C19orf18: variants seen among roughly 807,000 people sequenced by gnomAD.
C19orf18 encodes the protein chromosome 19 open reading frame 18.
In C19orf18, 21 loss-of-function variants were observed where a neutral mutation model predicts 23.3. That is an observed-to-expected ratio of 0.90 (90% CI 0.64 to 1.30). The LOEUF (loss-of-function observed/expected upper bound fraction) is 1.30, where lower values mean the gene tolerates loss of function less well. C19orf18 is among the 50% of genes most tolerant of loss of function. The pLI is 0.00. For missense variants in C19orf18, 249 were observed against 259.6 expected, an observed-to-expected ratio of 0.96 and a Z score of 0.28; for synonymous variants, 96 against 95.2, an observed-to-expected ratio of 1.01 and a Z score of -0.05.
intron 5 of C19orf18, among the ~76,000 whole-genome samples, chr19:57,959,180 A>G (rs1182498377): frequency 1.3e-5 from 2 of 152,158 alleles, no homozygotes; most frequent in Non-Finnish European, 2.9e-5. Context: ...TTTTTTAAAC[A>G]GGTACCCACG....
chr19:57,969,903 G>A (rs1439523221), intron 3 of C19orf18, among the ~76,000 whole-genome samples: 1 of 145,512 alleles, frequency 6.9e-6, no homozygotes, highest in Non-Finnish European at 1.5e-5. Context: ...AAAAGTAATA[G>A]CATTGTTTTT....
chr19:57,959,980 A>G (rs1344810091), intron 5 of C19orf18, among the ~76,000 whole-genome samples: 2 of 144,028 alleles, frequency 1.4e-5, no homozygotes, highest in Non-Finnish European at 3.1e-5. Flanking sequence ...GTCATGGTGC[A>G]CGCCTGTAAT....
intron 4 of C19orf18, among the ~76,000 whole-genome samples, chr19:57,965,892 C>CTG (rs911287697): frequency 1.5e-4 from 22 of 151,714 alleles, no homozygotes; most frequent in African/African-American, 5.1e-4. Context: ...AACCGTGTGT[C>CTG]TGTGTGTGTG....
At chr19:57,966,234 T>C (rs529853866) in intron 4 of C19orf18, among the ~76,000 whole-genome samples, 1 of 152,144 alleles carries the variant, frequency 6.6e-6, no homozygotes, top group South Asian at 2.1e-4. Context: ...GCCTCGGCCT[T>C]CCAAAGTGCT....
At chr19:57,970,529 C>T (rs749710832) in intron 3 of C19orf18, among the ~76,000 whole-genome samples, 1 of 151,984 alleles carries the variant, frequency 6.6e-6, no homozygotes, top group African/African-American at 2.4e-5. Context: ...ATTATTTAAG[C>T]TTGGCAGTTT....
Position 57,966,526 on chromosome 19 carries a change from TTACTA to T in C19orf18, c.370_371+3del. 6.4e-7 allele frequency: 1 copy of T among 1,563,868 alleles called. No homozygotes were observed. The highest frequency in any genetic ancestry group is 1.1e-5 in the South Asian group (1 of 89,546). ...ACAGCAGATATTACTTAGCAGATAC[TTACTA>T]TATCATATAGGAGATTGCCATCCCA... On this transcript the variant is annotated splice_donor_variant and splice_donor_region_variant and coding_sequence_variant and intron_variant, in exon 4 of 6. Transcript: ENST00000314391. LOFTEE classifies it high-confidence loss of function.
rs1179518646 is a variant in C19orf18 at position 57,958,673 on chromosome 19, C to G, written c.577G>C (p.Glu193Gln). 1.2e-6 allele frequency: 2 copies of G among 1,603,418 alleles called. No individual in the cohort carries two copies. The highest frequency in any genetic ancestry group is 1.3e-5 in the African/African-American group (1 of 74,408). Residue 193 changes from glutamate (E) to glutamine (Q), a missense_variant, in exon 6 of 6, where the codon GAA becomes CAA. By Grantham distance (29) the Glu-to-Gln change is conservative. Coordinates refer to ENST00000314391, the MANE Select transcript of C19orf18 (RefSeq NM_152474.5). The stretch of plus-strand genomic sequence containing the variant: ...TTTTCTGTTACTGAGTTTTGCTCTT[C>G]CTTCAGTTTCTTCTTAATATTTTTG... The part of the protein sequence containing the change: ...RSKNIKKKLK[E>Q]EQNSVTENKT...
Position 57,961,310 on chromosome 19 carries a change from C to A in C19orf18, c.532+81G>T, listed in dbSNP as rs1450969118. 6 of 1,352,560 alleles carry A rather than the reference C, an allele frequency of 4.4e-6. No homozygotes were observed. In the East Asian group the frequency reaches 9.5e-5, roughly 21 times the overall value. 83.8% of individuals were successfully genotyped at this position (1,352,560 alleles called of 1,614,324 possible). ...AAGAAAGAAAAGAAATGCAAGCCAC[C>A]GCTGAGAAAGAAAGAAAAGAAACGC... On this transcript the variant is annotated intron_variant, in intron 5 of 5. Coordinates refer to ENST00000314391, the MANE Select transcript of C19orf18 (RefSeq NM_152474.5).
Position 57,974,089 on chromosome 19 carries a change from A to C in C19orf18, c.226+10T>G. 1 of 1,611,734 alleles carries C rather than the reference A, an allele frequency of 6.2e-7. No homozygotes were observed. Among genetic ancestry groups the C allele is most frequent in the Non-Finnish European group, 8.5e-7 (1 of 1,177,840 alleles). ...TCTCACTCCACTGAATGAGGAATTC[A>C]ATGACTCACCCGTGGATCTCGAGGC... On this transcript the variant is annotated intron_variant, in intron 2 of 5. Transcript: ENST00000314391.
rs1234201252 is a variant in C19orf18 at position 57,968,092 on chromosome 19, AAGGCATCAG to A, written c.269-1469_269-1461del. On this transcript the variant is annotated intron_variant, in intron 3 of 5. Transcript: ENST00000314391. ...TCTGGAGGCTGGGAAGTCCCAGATC[AAGGCATCAG>A]CAGCTTTGGTGGCTGGCGAGGGTTC... 2.4e-3 allele frequency among the ~76,000 whole-genome samples: 365 copies of A among 152,392 alleles called. 3 individuals are homozygous for A. The highest frequency in any genetic ancestry group is 7.6e-3 in the African/African-American group (316 of 41,600).
intron 4 of C19orf18, among the ~76,000 whole-genome samples, chr19:57,962,290 G>C (rs2072879151): frequency 6.6e-6 from 1 of 151,886 alleles, no homozygotes; most frequent in African/African-American, 2.4e-5. Flanking sequence ...TTCCTCCTTG[G>C]CCTCCCAAAA....
chr19:57,966,377 C>A (rs1311733500), intron 4 of C19orf18, among the ~76,000 whole-genome samples, 153 bp downstream of exon 4: 1 of 151,968 alleles, frequency 6.6e-6, no homozygotes, highest in Non-Finnish European at 1.5e-5. Flanking sequence ...GAGTACAATC[C>A]ACATGTTGAA....
chr19:57,968,503 G>A (rs2072923184), intron 3 of C19orf18, among the ~76,000 whole-genome samples: 1 of 152,052 alleles, frequency 6.6e-6, no homozygotes. Context: ...TAGACAGGAG[G>A]GTGTGGATAC....
In C19orf18 at chr19:57,961,365, C is replaced by T. The variant is rs779933013; in HGVS notation, c.532+26G>A. ...TGCCGCTGCCAGCTTGGCTTTCCTG[C>T]GAATAGCTCTTACAGGTCACACTAC... On this transcript the variant is annotated intron_variant, in intron 5 of 5. Transcript: ENST00000314391. 4.5e-6 allele frequency: 7 copies of T among 1,544,518 alleles called. No homozygotes were observed. In the African/African-American group the frequency reaches 5.5e-5, roughly 12 times the overall value.
At chr19:57,960,939 G>A (rs2072865989) in intron 5 of C19orf18, among the ~76,000 whole-genome samples, 1 of 152,174 alleles carries the variant, frequency 6.6e-6, no homozygotes, top group African/African-American at 2.4e-5. Flanking sequence ...CAGCACTTTG[G>A]GAGGCCGAGG....
At chr19:57,968,433 G>C (rs371030814) in intron 3 of C19orf18, among the ~76,000 whole-genome samples, 7 of 152,156 alleles carry the variant, frequency 4.6e-5, no homozygotes, top group African/African-American at 1.4e-4. Context: ...ACACAGGCCA[G>C]CCTTGGCATG....
rs187986989 is a variant in C19orf18 at position 57,969,112 on chromosome 19, G to A, written c.269-2480C>T. Among the ~76,000 whole-genome samples the A allele has an allele frequency of 1.7e-3, 261 of 152,172 alleles. 1 individual carries two copies. Among genetic ancestry groups the A allele is most frequent in the African/African-American group, 5.8e-3 (242 of 41,518 alleles). On this transcript the variant is annotated intron_variant, in intron 3 of 5. Coordinates refer to ENST00000314391, the MANE Select transcript of C19orf18 (RefSeq NM_152474.5). ...ACTCCCTGTGCTTCCTGAGGTTACT[G>A]GTGTACCCGTGTGTGGTGGGCCATG...
At chr19:57,962,789 G>A (rs1030650919) in intron 4 of C19orf18, among the ~76,000 whole-genome samples, 5 of 150,952 alleles carry the variant, frequency 3.3e-5, no homozygotes, top group African/African-American at 1.2e-4. Flanking sequence ...CCTGGGAGGC[G>A]GAGGTTGCAA....
At chr19:57,967,714 T>C (rs985192646) in intron 3 of C19orf18, among the ~76,000 whole-genome samples, 4 of 149,884 alleles carry the variant, frequency 2.7e-5, no homozygotes, top group African/African-American at 9.9e-5. Flanking sequence ...ATTGCGCCAT[T>C]ACACTCCAGC....
Sources: gnomAD v4.1 joint callset for allele counts (sites outside exome capture counted in the v4.1 genomes callset) on GRCh38, gnomAD v4.1.1 for gene constraint, MANE v1.5 for transcripts, NCBI Gene and HGNC (gene_info 2026-07-23, HGNC 2026-07-21) for gene names.